The following DMD variants were observed in gnomAD, a reference collection of about 807,000 sequenced individuals.
DMD encodes the protein dystrophin.
A neutral mutation model predicts 330.1 loss-of-function variants in DMD; 63 were observed. That is an observed-to-expected ratio of 0.19 (90% CI 0.16 to 0.24). The LOEUF (loss-of-function observed/expected upper bound fraction) is 0.24. Among genes scored for constraint, DMD ranks in the 10% least tolerant of loss-of-function variants. The pLI is 1.00. For missense variants in DMD, 3,344 were observed against 2,684.1 expected (o/e 1.25, Z -5.43); for synonymous variants, 1,223 against 959.8 (o/e 1.27, Z -5.07).
chrX:32,380,454 T>C, intron 34 of DMD, 56 bp downstream of exon 34: 1 of 1,072,965 alleles, frequency 9.3e-7, no homozygotes, highest in South Asian at 1.9e-5. Flanking sequence ...CCTTACAAAA[T>C]CATATTATGT....
chrX:31,818,649 G>A (rs760784513), intron 50 of DMD, among the ~76,000 whole-genome samples: 5 of 110,178 alleles, frequency 4.5e-5, no homozygotes, highest in East Asian at 5.7e-4. Flanking sequence ...ATGCATATGC[G>A]CTGAGGGAAC....
intron 55 of DMD, among the ~76,000 whole-genome samples, chrX:31,518,313 A>G (rs5972395): frequency 0.1 from 11,087 of 111,013 alleles, 551 homozygotes; most frequent in Admixed American, 0.19. Context: ...TTTTTTTAAT[A>G]CTGCATCTAA....
intron 18 of DMD, among the ~76,000 whole-genome samples, chrX:32,515,381 G>A (rs1304568809): frequency 9.0e-6 from 1 of 111,157 alleles, no homozygotes; most frequent in African/African-American, 3.3e-5. Context: ...TCCAGCGGGA[G>A]TTGGTAAAAA....
At chrX:32,518,171 T>C (rs1325972418) in intron 17 of DMD, 40 bp from the exon 18 acceptor site, 9 of 1,163,332 alleles carry the variant, frequency 7.7e-6, no homozygotes, top group Non-Finnish European at 1.0e-5. Context: ...TTCTTGATTA[T>C]CTCTTTCTTC....
chrX:31,410,075 C>T (rs1168252178), intron 60 of DMD, among the ~76,000 whole-genome samples: 2 of 112,318 alleles, frequency 1.8e-5, no homozygotes, highest in African/African-American at 6.5e-5. Context: ...CCACCTCAGC[C>T]TCCCAAAGTG....
intron 44 of DMD, among the ~76,000 whole-genome samples, chrX:32,089,813 T>A (rs183790903): frequency 1.3e-3 from 149 of 112,200 alleles, no homozygotes; most frequent in African/African-American, 4.6e-3. Flanking sequence ...TGCCCAATAA[T>A]GGGATTGCTG....
At chrX:33,174,484 T>C (rs1380977898) in intron 1 of DMD, among the ~76,000 whole-genome samples, 2 of 111,867 alleles carry the variant, frequency 1.8e-5, no homozygotes, top group Non-Finnish European at 3.8e-5. Flanking sequence ...CTACCCAAAA[T>C]TGGACTGCAT....
At chrX:32,397,939 T>C (rs763953600) in intron 30 of DMD, among the ~76,000 whole-genome samples, 13 of 111,149 alleles carry the variant, frequency 1.2e-4, no homozygotes, top group Non-Finnish European at 2.3e-4. Flanking sequence ...TAGTAAAAGA[T>C]ATTAAAATAC....
rs754705483 is a variant in DMD at position 32,145,028 on chromosome X, C to A, written c.6438+71888G>T. Among the ~76,000 whole-genome samples, 3 of 111,741 alleles carry A rather than the reference C, an allele frequency of 2.7e-5. No individual in the cohort carries two copies. In the Admixed American group the frequency reaches 2.9e-4, roughly 11 times the overall value. ...CAGCCTGGGCAACAAGAGTGAAACA[C>A]CGTCTCAATGAATCAGTCAATCAAT... On this transcript the variant is annotated intron_variant, in intron 44 of 78. Transcript: ENST00000357033.
rs139780013 is a variant in DMD at position 31,192,807 on chromosome X, G to C, written c.9808-9903C>G. On this transcript the variant is annotated intron_variant, in intron 67 of 78. Transcript: ENST00000357033. ...ACAGGACAAAAGTGATTTCCTATGGGAAAAAGCAAGGCGATCCCCAAAATC... is the reference window on the plus strand; with the variant it reads ...ACAGGACAAAAGTGATTTCCTATGGCAAAAAGCAAGGCGATCCCCAAAATC... Among the ~76,000 whole-genome samples, 265 of 112,024 alleles carry C rather than the reference G, an allele frequency of 2.4e-3. 1 individual carries two copies. Among genetic ancestry groups the C allele is most frequent in the African/African-American group, 8.2e-3 (252 of 30,830 alleles).
At chrX:32,887,965 C>A (rs1012727719) in intron 2 of DMD, among the ~76,000 whole-genome samples, 21 of 109,002 alleles carry the variant, frequency 1.9e-4, no homozygotes, top group African/African-American at 7.0e-4. Flanking sequence ...CATGAGTTGT[C>A]CCTTCACTCT....
At chrX:32,990,951 G>T (rs1212034539) in intron 2 of DMD, among the ~76,000 whole-genome samples, 1 of 111,204 alleles carries the variant, frequency 9.0e-6, no homozygotes, top group Admixed American at 9.6e-5. Flanking sequence ...GGGATTACTG[G>T]ACTTAAAAGA....
intron 18 of DMD, among the ~76,000 whole-genome samples, chrX:32,513,648 G>A (rs2148774243): frequency 9.0e-6 from 1 of 111,347 alleles, no homozygotes; most frequent in South Asian, 3.8e-4. Context: ...GGAGGTCTGG[G>A]GAAATAATGA....
intron 7 of DMD, among the ~76,000 whole-genome samples, chrX:32,768,342 G>T (rs1465131748): frequency 9.0e-6 from 1 of 111,482 alleles, no homozygotes; most frequent in Non-Finnish European, 1.9e-5. Context: ...TCGTAACAAT[G>T]AAAAACAAAA....
chrX:32,045,103 G>A (rs1351420930), intron 44 of DMD, among the ~76,000 whole-genome samples: 1 of 110,712 alleles, frequency 9.0e-6, no homozygotes, highest in Non-Finnish European at 1.9e-5. Flanking sequence ...AAGTGTGTGG[G>A]CATCACCTTC....
chrX:32,644,828 C>A, intron 10 of DMD, 136 bp downstream of exon 10: 3 of 762,970 alleles, frequency 3.9e-6, no homozygotes, highest in Non-Finnish European at 5.8e-6. Context: ...CAAAATCTGA[C>A]TGTTGGAATC....
chrX:31,471,572 G>A (rs920636981), intron 59 of DMD, among the ~76,000 whole-genome samples: 2 of 110,390 alleles, frequency 1.8e-5, no homozygotes, highest in African/African-American at 6.6e-5. Context: ...TAGGGGCTGC[G>A]CACCTGAGCT....
At chrX:33,320,599 A>G (rs925996424) in intron 1 of DMD, among the ~76,000 whole-genome samples, 2 of 112,260 alleles carry the variant, frequency 1.8e-5, no homozygotes, top group Non-Finnish European at 3.8e-5. Flanking sequence ...CTCAATGTGG[A>G]TGGCTGCTGA....
intron 44 of DMD, among the ~76,000 whole-genome samples, chrX:32,166,682 T>A (rs1259980690): frequency 9.0e-6 from 1 of 111,358 alleles, no homozygotes; most frequent in Non-Finnish European, 1.9e-5. Context: ...CACACAATAG[T>A]CACTCTACAA....
Sources: gnomAD v4.1 joint callset for allele counts (sites outside exome capture counted in the v4.1 genomes callset) on GRCh38, gnomAD v4.1.1 for gene constraint, MANE v1.5 for transcripts, NCBI Gene and HGNC (gene_info 2026-07-23, HGNC 2026-07-21) for gene names.